SRGAP3: variants seen among roughly 807,000 people sequenced by gnomAD.
SRGAP3 encodes the protein SLIT-ROBO Rho GTPase activating protein 3.
In SRGAP3, 39 loss-of-function variants were observed where a neutral mutation model predicts 121.1. The ratio of observed to expected loss-of-function variants is 0.32; its 90% CI spans 0.25 to 0.42. The LOEUF is 0.42. SRGAP3 is among the 10% of genes least tolerant of loss of function. The pLI is 1.00. For synonymous variants in SRGAP3, 601 were observed against 570.0 expected (o/e 1.05, Z -0.77); for missense variants, 1,213 against 1,470.6 (o/e 0.82, Z 2.86).
intron 21 of SRGAP3, among the ~76,000 whole-genome samples, chr3:8,988,837 C>T (rs1941875968): frequency 6.6e-6 from 1 of 152,186 alleles, no homozygotes; most frequent in South Asian, 2.1e-4. Context: ...ATGCGCAGTT[C>T]ACAACAGGGT....
intron 1 of SRGAP3, among the ~76,000 whole-genome samples, chr3:9,237,242 AC>A (rs1468519558): frequency 1.3e-5 from 2 of 152,180 alleles, no homozygotes; most frequent in Non-Finnish European, 2.9e-5. Context: ...CACCTAGAAC[AC>A]CCATTGCCCC....
intron 3 of SRGAP3, among the ~76,000 whole-genome samples, chr3:9,282,725 G>A (rs986444118): frequency 4.0e-5 from 6 of 151,886 alleles, no homozygotes; most frequent in African/African-American, 7.3e-5. Context: ...CAAGTGATTC[G>A]CCCACCTCAG....
At chr3:9,000,473 G>A (rs1026174718) in intron 18 of SRGAP3, among the ~76,000 whole-genome samples, 1 of 152,156 alleles carries the variant, frequency 6.6e-6, no homozygotes, top group Non-Finnish European at 1.5e-5. Flanking sequence ...TTCCCATGGG[G>A]GAGAACCATC....
chr3:9,287,110 G>A (rs1954790864), intron 3 of SRGAP3, among the ~76,000 whole-genome samples: 1 of 146,356 alleles, frequency 6.8e-6, no homozygotes. Context: ...TCCTACCTCA[G>A]CCTCCTGATT....
intron 3 of SRGAP3, among the ~76,000 whole-genome samples, chr3:9,270,361 A>G (rs548884536): frequency 6.6e-6 from 1 of 152,350 alleles, no homozygotes; most frequent in South Asian, 2.1e-4. Context: ...AAATTCAAAA[A>G]CAGACAACAC....
At chr3:9,118,694 C>CA (rs372447059) in intron 2 of SRGAP3, among the ~76,000 whole-genome samples, 1 of 151,986 alleles carries the variant, frequency 6.6e-6, no homozygotes, top group African/African-American at 2.4e-5. Context: ...TTGCCAGGCC[C>CA]CCCCCCCAAG....
At chr3:8,995,873 G>C (rs912002654) in intron 18 of SRGAP3, among the ~76,000 whole-genome samples, 3 of 152,194 alleles carry the variant, frequency 2.0e-5, no homozygotes, top group South Asian at 4.2e-4. Context: ...TATTTTAATA[G>C]AACAGAAGAG....
At chr3:9,196,688 A>C (rs1251508511) in intron 1 of SRGAP3, among the ~76,000 whole-genome samples, 1 of 152,230 alleles carries the variant, frequency 6.6e-6, no homozygotes, top group Non-Finnish European at 1.5e-5. Flanking sequence ...TACAGAATAG[A>C]TGGATCAGTT....
In SRGAP3 at chr3:9,060,140, T is replaced by C. The variant is rs771650758; in HGVS notation, c.801+91A>G. ...GCTGTGGCTACCCGAGAATGTCAGGTAAAGACAAAGACCAGCCCCTCCTTC... is the reference window on the plus strand; with the variant it reads ...GCTGTGGCTACCCGAGAATGTCAGGCAAAGACAAAGACCAGCCCCTCCTTC... On this transcript the variant is annotated intron_variant, in intron 6 of 21. Coordinates refer to ENST00000383836, the MANE Select transcript of SRGAP3 (RefSeq NM_014850.4). 16 of 1,597,402 alleles carry C rather than the reference T, an allele frequency of 1.0e-5. No individual in the cohort carries two copies. In the Admixed American group the frequency reaches 2.7e-4, roughly 27 times the overall value.
intron 11 of SRGAP3, chr3:9,036,675 TG>T (rs1278654274): frequency 6.6e-6 from 1 of 152,238 alleles, no homozygotes; most frequent in Non-Finnish European, 1.5e-5. Context: ...TCCCACACTC[TG>T]CTGGAACAAA....
chr3:9,300,044 C>T (rs1401267114), intron 3 of SRGAP3, among the ~76,000 whole-genome samples: 1 of 150,670 alleles, frequency 6.6e-6, no homozygotes, highest in East Asian at 2.0e-4. Flanking sequence ...GTAATGATAG[C>T]ACCTTCCTCA....
chr3:9,348,542 G>T (rs1955948421), intron 1 of SRGAP3: 2 of 765,978 alleles, frequency 2.6e-6, no homozygotes, highest in South Asian at 2.7e-5. Context: ...GAGCCCAGCG[G>T]GCCATAAGGA....
intron 18 of SRGAP3, among the ~76,000 whole-genome samples, chr3:9,009,925 C>G (rs997704171): frequency 6.6e-6 from 1 of 152,210 alleles, no homozygotes; most frequent in African/African-American, 2.4e-5. Context: ...ATCCCTGTGC[C>G]CAAGTCCCAG....
At chr3:9,098,878 T>C (rs894032375) in intron 3 of SRGAP3, among the ~76,000 whole-genome samples, 1 of 152,220 alleles carries the variant, frequency 6.6e-6, no homozygotes, top group Admixed American at 6.5e-5. Flanking sequence ...CAGGCTCTAC[T>C]GGCAGAGTGA....
chr3:9,174,271 G>C (rs993773356), intron 1 of SRGAP3, among the ~76,000 whole-genome samples: 4 of 152,240 alleles, frequency 2.6e-5, no homozygotes, highest in African/African-American at 9.6e-5. Context: ...TGGTGGTGAT[G>C]GCTGCACAGC....
chr3:9,055,059 T>C (rs1001852520), intron 8 of SRGAP3, among the ~76,000 whole-genome samples: 24 of 152,198 alleles, frequency 1.6e-4, no homozygotes, highest in African/African-American at 5.3e-4. Flanking sequence ...TAAAATCCTT[T>C]GGGGGAAGAT....
At chr3:9,285,665 A>G (rs1954754966) in intron 3 of SRGAP3, among the ~76,000 whole-genome samples, 1 of 151,942 alleles carries the variant, frequency 6.6e-6, no homozygotes, top group Non-Finnish European at 1.5e-5. Context: ...TTGTGGTGGC[A>G]TGTGCCTGTA....
At chr3:9,180,889 TCA>T (rs1354732372) in intron 1 of SRGAP3, among the ~76,000 whole-genome samples, 5 of 152,148 alleles carry the variant, frequency 3.3e-5, no homozygotes, top group Non-Finnish European at 7.3e-5. Flanking sequence ...CCGGCTTCAC[TCA>T]GTCATTTCTC....
chr3:9,294,695 CGTGTGTGTGT>C lies in SRGAP3; in HGVS notation n.442+31305_442+31314del, dbSNP rs753452580. Among the ~76,000 whole-genome samples the C allele has an allele frequency of 2.9e-4, 35 of 119,886 alleles. 1 individual carries two copies. Among genetic ancestry groups the C allele is most frequent in the Non-Finnish European group, 4.6e-4 (26 of 56,852 alleles). The allele number at this position is 119,886 out of a possible 152,430, so 78.6% of individuals were successfully genotyped here. On this transcript the variant is annotated intron_variant and non_coding_transcript_variant, in intron 3 of 3. Transcript: ENST00000490889. ...GCATTGAAATTGCTATTGAAGCTTTCGTGTGTGTGTGTGTGTGTGTGTGTGTGTGTGTGTG... is the reference window on the plus strand; with the variant it reads ...GCATTGAAATTGCTATTGAAGCTTTCGTGTGTGTGTGTGTGTGTGTGTGTG...
Sources: gnomAD v4.1 joint callset for allele counts (sites outside exome capture counted in the v4.1 genomes callset) on GRCh38, gnomAD v4.1.1 for gene constraint, MANE v1.5 for transcripts, NCBI Gene and HGNC (gene_info 2026-07-23, HGNC 2026-07-21) for gene names.